NOSTRIN: variants seen among roughly 807,000 people sequenced by gnomAD.
The protein encoded by NOSTRIN is nitric oxide synthase trafficking, also known as BM247 homolog.
In NOSTRIN, 63 loss-of-function variants were observed where a neutral mutation model predicts 59.0. The observed-to-expected ratio is 1.07, with a 90% CI of 0.87 to 1.32. The LOEUF is 1.32. Among genes scored for constraint, NOSTRIN ranks in the 40% most tolerant of loss-of-function variants. NOSTRIN has a pLI of 0.00. For synonymous variants in NOSTRIN, 200 were observed against 165.4 expected (o/e 1.21, Z -1.61); for missense variants, 512 against 473.1 (o/e 1.08, Z -0.76).
chr2:168,792,790 A>G (rs1685391087), intron 2 of NOSTRIN, among the ~76,000 whole-genome samples: 1 of 152,192 alleles, frequency 6.6e-6, no homozygotes, highest in Non-Finnish European at 1.5e-5. Context: ...TATCTTTAAT[A>G]TCTTTATTCT....
intron 7 of NOSTRIN, among the ~76,000 whole-genome samples, chr2:168,838,385 G>A (rs1017839803): frequency 2.0e-5 from 3 of 151,964 alleles, no homozygotes; most frequent in East Asian, 1.9e-4. Flanking sequence ...GAGTACAGGC[G>A]TGCGCCATCA....
intron 7 of NOSTRIN, 22 bp from the exon 8 acceptor site, chr2:168,842,970 T>G: frequency 1.2e-6 from 1 of 866,954 alleles, no homozygotes; most frequent in South Asian, 1.3e-5. Context: ...AGTAAATGTG[T>G]GACATTGATG....
intron 13 of NOSTRIN, 117 bp downstream of exon 13, chr2:168,859,754 C>A: frequency 2.3e-6 from 3 of 1,291,078 alleles, no homozygotes; most frequent in Admixed American, 2.5e-5. Flanking sequence ...AATATTCATG[C>A]AGTTAGTTAA....
chr2:168,863,034 A>G (rs2105802166), intron 15 of NOSTRIN, among the ~76,000 whole-genome samples: 1 of 151,934 alleles, frequency 6.6e-6, no homozygotes, highest in South Asian at 2.1e-4. Flanking sequence ...TAAAAGACAG[A>G]CATACTTCCC....
Position 168,828,520 on chromosome 2 carries a change from T to TC in NOSTRIN, c.342+19_342+20insC. On this transcript the variant is annotated intron_variant, in intron 5 of 15. Transcript: ENST00000317647. Reference sequence around the variant, plus strand: ...AAAATCAGTGAGTCCAAACCTTTCTTTACTCTTCCTGTTTAAAGCAAGATT... The same window carrying TC: ...AAAATCAGTGAGTCCAAACCTTTCTTCTACTCTTCCTGTTTAAAGCAAGATT... 1 of 838,550 alleles carries TC rather than the reference T, an allele frequency of 1.2e-6. No individual in the cohort carries two copies. Among genetic ancestry groups the TC allele is most frequent in the East Asian group, 2.5e-5 (1 of 40,648 alleles). 51.9% of individuals were successfully genotyped at this position (838,550 alleles called of 1,614,324 possible).
At chr2:168,844,690 G>A (rs1455197443) in intron 8 of NOSTRIN, among the ~76,000 whole-genome samples, 3 of 152,020 alleles carry the variant, frequency 2.0e-5, no homozygotes, top group African/African-American at 4.8e-5. Flanking sequence ...CTAACACGGC[G>A]AAACCCCGTC....
chr2:168,802,729 T>A, intron 1 of NOSTRIN, 56 bp downstream of exon 1: 1 of 852,224 alleles, frequency 1.2e-6, no homozygotes, highest in Non-Finnish European at 2.0e-6. Flanking sequence ...GAGGGTGGAT[T>A]TGTATATTAA....
intron 7 of NOSTRIN, among the ~76,000 whole-genome samples, chr2:168,838,787 CTCT>C (rs1559126490): frequency 9.8e-6 from 1 of 102,184 alleles, no homozygotes; most frequent in Non-Finnish European, 1.8e-5. Context: ...ATAAAAAAAA[CTCT>C]TTTTTTTTTT....
chr2:168,841,974 C>T (rs1688134432), intron 7 of NOSTRIN, among the ~76,000 whole-genome samples: 1 of 152,156 alleles, frequency 6.6e-6, no homozygotes, highest in South Asian at 2.1e-4. Context: ...GTCTTCTTGG[C>T]CTCTCTGTGC....
chr2:168,838,358 G>C (rs1173110273), intron 7 of NOSTRIN, among the ~76,000 whole-genome samples: 6 of 152,096 alleles, frequency 3.9e-5, no homozygotes, highest in Admixed American at 3.9e-4. Context: ...TCCTTCCTCA[G>C]CCTCCCAAGT....
In NOSTRIN at chr2:168,864,867, GA is replaced by G. The variant is rs763454012; in HGVS notation, c.1419del (p.Gly474AspfsTer7). On this transcript the variant is annotated frameshift_variant, in exon 16 of 16. Transcript: ENST00000317647. LOFTEE classifies it high-confidence loss of function. The part of the protein sequence containing the change: ...DIVIIHEKKE[G>X]GWWFGSLNGK... ...GTGATTATACACGAGAAAAAAGAAG[GA>G]GGATGGTGGTTTGGATCTTTGAATG... is the stretch of plus-strand genomic sequence containing the variant. 1.1e-5 allele frequency: 17 copies of G among 1,613,708 alleles called. No homozygotes were observed. The highest frequency in any genetic ancestry group is 3.3e-5 in the Admixed American group (2 of 59,978).
rs1689497490 is a variant in NOSTRIN, at chr2:168,862,136, A to G, written c.1384+87A>G. Reference sequence around the variant, plus strand: ...AACCCTGTCTTAGTGTGGCAGCCTTAAGAGTTACTACCATGTCAAATCAGT... The same window carrying G: ...AACCCTGTCTTAGTGTGGCAGCCTTGAGAGTTACTACCATGTCAAATCAGT... On this transcript the variant is annotated intron_variant, in intron 15 of 15. Coordinates refer to ENST00000317647, the MANE Select transcript of NOSTRIN (RefSeq NM_001039724.4). 2.6e-6 allele frequency: 3 copies of G among 1,158,068 alleles called. No individual in the cohort carries two copies. The Admixed American group carries it at 5.5e-5, about 21-fold the overall frequency. 71.7% of individuals were successfully genotyped at this position (1,158,068 alleles called of 1,614,324 possible).
At chr2:168,812,678 GA>G (rs1180614944) in intron 2 of NOSTRIN, among the ~76,000 whole-genome samples, 2 of 152,106 alleles carry the variant, frequency 1.3e-5, no homozygotes, top group East Asian at 3.9e-4. Context: ...CAAAAGGCAG[GA>G]AAATGTGGGA....
chr2:168,797,323 C>T (rs1472363003), upstream of NOSTRIN, among the ~76,000 whole-genome samples: 1 of 151,994 alleles, frequency 6.6e-6, no homozygotes, highest in Non-Finnish European at 1.5e-5. Context: ...TCTTGAACTC[C>T]TGGGCTCAAG....
chr2:168,809,711 A>G (rs978720772), intron 1 of NOSTRIN, among the ~76,000 whole-genome samples: 2 of 148,464 alleles, frequency 1.3e-5, no homozygotes, highest in African/African-American at 4.9e-5. Context: ...TGGTCTGATA[A>G]TAATAAATAT....
chr2:168,863,035 C>T (rs1689568304), intron 15 of NOSTRIN, among the ~76,000 whole-genome samples: 1 of 151,904 alleles, frequency 6.6e-6, no homozygotes, highest in African/African-American at 2.4e-5. Flanking sequence ...AAAAGACAGA[C>T]ATACTTCCCA....
chr2:168,863,935 G>C (rs1325860281), intron 15 of NOSTRIN, among the ~76,000 whole-genome samples: 1 of 151,616 alleles, frequency 6.6e-6, no homozygotes, highest in African/African-American at 2.4e-5. Context: ...TTTTGAGGCA[G>C]AGTCTTGCTC....
intron 10 of NOSTRIN, among the ~76,000 whole-genome samples, chr2:168,852,778 G>C (rs1456989005): frequency 6.6e-6 from 1 of 152,108 alleles, no homozygotes; most frequent in East Asian, 1.9e-4. Context: ...CAAATGACCA[G>C]CTATTTTTTA....
rs777619156 is a variant in NOSTRIN, at chr2:168,851,322, A to G, written c.773A>G (p.Glu258Gly). The change falls in exon 10 of 16, where the codon GAA becomes GGA. Residue 258 changes from glutamate to glycine, a missense_variant. By Grantham distance (98) the Glu-to-Gly change is moderately conservative (BLOSUM62 -2). Transcript: ENST00000317647. ...TGTGCCATCAGCAAGATTGACATTGAAAAAGATATCCAGGCTGTAATGGAA... is the reference window on the plus strand; with the variant it reads ...TGTGCCATCAGCAAGATTGACATTGGAAAAGATATCCAGGCTGTAATGGAA... ...IHCAISKIDI[E>G]KDIQAVMEET... The G allele has an allele frequency of 2.6e-5, 42 of 1,613,864 alleles. 1 individual carries two copies. The highest frequency in any genetic ancestry group is 2.3e-4 in the Admixed American group (14 of 59,974).
Sources: gnomAD v4.1 joint callset for allele counts (sites outside exome capture counted in the v4.1 genomes callset) on GRCh38, gnomAD v4.1.1 for gene constraint, MANE v1.5 for transcripts, NCBI Gene and HGNC (gene_info 2026-07-23, HGNC 2026-07-21) for gene names.